ARHGAP17: variants seen among roughly 807,000 people sequenced by gnomAD.
The protein encoded by ARHGAP17 is rho GTPase-activating protein 17.
In ARHGAP17, 57 loss-of-function variants were observed where a neutral mutation model predicts 99.5. That is an observed-to-expected ratio of 0.57 (90% confidence interval 0.46 to 0.71). The LOEUF is 0.71. Among genes scored for constraint, ARHGAP17 ranks in the 30% least tolerant of loss-of-function variants. ARHGAP17 has a pLI of 0.00. For missense variants in ARHGAP17, 1,000 were observed against 1,122.4 expected, an observed-to-expected ratio of 0.89 and a Z score of 1.56; for synonymous variants, 417 against 429.6, an observed-to-expected ratio of 0.97 and a Z score of 0.36.
chr16:24,991,911 T>C (rs147623143), intron 1 of ARHGAP17, among the ~76,000 whole-genome samples: 30 of 152,320 alleles, frequency 2.0e-4, no homozygotes, highest in African/African-American at 7.2e-4. Flanking sequence ...GTCCCCACCC[T>C]TGAGGAGCTC....
At position 24,930,815 on chromosome 16, in the gene ARHGAP17, G is replaced by T. The variant is rs748508413; in HGVS notation, c.2484C>A (p.Asn828Lys). Residue 828 changes from asparagine (N) to lysine (K), a missense_variant, in exon 19 of 20, where the codon AAC (asparagine) becomes AAA (lysine). By Grantham distance (94) the Asn-to-Lys change is moderately conservative. Around this residue, in one of 2 missense-constraint regions of ARHGAP17, gnomAD observed 528 missense variants for 511.4 expected, o/e 1.03. Coordinates refer to ENST00000289968, the MANE Select transcript of ARHGAP17 (RefSeq NM_001006634.3). ...CTATCTTGGAAGCTGTTGGTGCTGT[G>T]TTGGTGAGGCTGCTGTCCCCAGCTG... ...VHSAGDSSLT[N>K]TAPTASKIVT... 6.2e-7 allele frequency: 1 copy of T among 1,614,140 alleles called. No individual in the cohort carries two copies. Among genetic ancestry groups the T allele is most frequent in the Non-Finnish European group, 8.5e-7 (1 of 1,180,028 alleles).
At chr16:24,982,996 A>ATTTTTTTTT (rs1193522045) in intron 1 of ARHGAP17, among the ~76,000 whole-genome samples, 2 of 46,976 alleles carry the variant, frequency 4.3e-5, no homozygotes, top group African/African-American at 1.7e-4. Context: ...ATATATATAT[A>ATTTTTTTTT]TTTTTTTTTT....
intron 1 of ARHGAP17, among the ~76,000 whole-genome samples, chr16:25,014,635 G>T (rs1481216539): frequency 1.3e-5 from 2 of 152,224 alleles, no homozygotes; most frequent in Admixed American, 6.5e-5. Flanking sequence ...TTTTGAGACA[G>T]CACCACCTCC....
chr16:24,941,541 T>C (rs1239655886), intron 16 of ARHGAP17, among the ~76,000 whole-genome samples: 2 of 152,234 alleles, frequency 1.3e-5, no homozygotes. Flanking sequence ...TGGCTTCCAT[T>C]GTGGGGCCAC....
chr16:24,940,297 T>C (rs908888392), intron 16 of ARHGAP17, among the ~76,000 whole-genome samples: 2 of 152,146 alleles, frequency 1.3e-5, no homozygotes, highest in Non-Finnish European at 2.9e-5. Flanking sequence ...CCAGAAGGCC[T>C]ACCAATGGCA....
At chr16:24,961,769 A>T (rs1300042433) in intron 7 of ARHGAP17, among the ~76,000 whole-genome samples, 1 of 150,946 alleles carries the variant, frequency 6.6e-6, no homozygotes, top group African/African-American at 2.4e-5. Flanking sequence ...CCTGACCTCA[A>T]GTGATCCTCC....
chr16:24,975,942 C>T (rs568734782), intron 3 of ARHGAP17, among the ~76,000 whole-genome samples: 1 of 152,236 alleles, frequency 6.6e-6, no homozygotes, highest in African/African-American at 2.4e-5. Context: ...GAGTCCATCC[C>T]TCTTCCTCTC....
In ARHGAP17 at chr16:24,919,718, G is replaced by T. The variant is rs1055098849; in HGVS notation, c.*412C>A. The T allele has an allele frequency of 6.4e-6, 1 of 155,104 alleles. No homozygotes were observed. The highest frequency in any genetic ancestry group is 2.4e-5 in the African/African-American group (1 of 41,492). The allele number at this position is 155,104 out of a possible 1,614,324, so 9.6% of individuals were successfully genotyped here. A position where few individuals can be genotyped will look rare whatever the true frequency, so the allele number is the denominator to read the frequency against. ...TGAACGTCCAGGTAGCAGAGAGTAG[G>T]CGACTTGCATAATGAGCGCATTTTA... On this transcript the variant is annotated 3_prime_UTR_variant, in exon 20 of 20. Coordinates refer to ENST00000289968, the MANE Select transcript of ARHGAP17 (RefSeq NM_001006634.3).
chr16:25,003,879 A>G (rs2053438931), intron 1 of ARHGAP17, among the ~76,000 whole-genome samples: 2 of 152,152 alleles, frequency 1.3e-5, no homozygotes, highest in African/African-American at 4.8e-5. Context: ...TGGAAATGCA[A>G]CCAGGGGCTG....
intron 14 of ARHGAP17, 46 bp downstream of exon 14, chr16:24,947,436 A>C (rs1010345877): frequency 1.4e-6 from 2 of 1,447,726 alleles, no homozygotes; most frequent in African/African-American, 1.4e-5. Context: ...GCATCCCATC[A>C]GGTGGGAAAG....
intron 1 of ARHGAP17, among the ~76,000 whole-genome samples, chr16:24,994,442 G>A (rs988691708): frequency 3.9e-5 from 6 of 151,992 alleles, no homozygotes; most frequent in Admixed American, 3.3e-4. Context: ...AAATATTTTC[G>A]GGTTCCCTTC....
At chr16:25,002,534 C>G (rs981578814) in intron 1 of ARHGAP17, among the ~76,000 whole-genome samples, 1 of 152,192 alleles carries the variant, frequency 6.6e-6, no homozygotes, top group Non-Finnish European at 1.5e-5. Flanking sequence ...CAGTAGCCCT[C>G]AAACCATCAT....
In ARHGAP17 at chr16:24,959,549, C is replaced by T. The variant is rs1325378041; in HGVS notation, c.724+122G>A. ...GATGAAATTATGCTGGGAAACAGTACCCTCCTAGGCAGAGAAGCTTTATCC... is the reference window on the plus strand; with the variant it reads ...GATGAAATTATGCTGGGAAACAGTATCCTCCTAGGCAGAGAAGCTTTATCC... On this transcript the variant is annotated intron_variant, in intron 9 of 19. Transcript: ENST00000289968. 7 of 872,366 alleles carry T rather than the reference C, an allele frequency of 8.0e-6. No homozygotes were observed. The East Asian group carries it at 1.1e-4, about 13-fold the overall frequency. The allele number at this position is 872,366 out of a possible 1,614,324, so 54.0% of individuals were successfully genotyped here. A position where few individuals can be genotyped will look rare whatever the true frequency, so the allele number is the denominator to read the frequency against.
intron 16 of ARHGAP17, among the ~76,000 whole-genome samples, chr16:24,940,511 C>T (rs1211605806): frequency 1.3e-5 from 2 of 152,078 alleles, no homozygotes; most frequent in East Asian, 1.9e-4. Context: ...TGGGAAACAT[C>T]GTGAGGCCCT....
chr16:24,927,875 T>C, intron 19 of ARHGAP17: 1 of 280,420 alleles, frequency 3.6e-6, no homozygotes, highest in Admixed American at 4.2e-5. Flanking sequence ...AGACTCAAAA[T>C]GATGCCAGAA....
At chr16:25,014,293 G>A (rs1384216669) in intron 1 of ARHGAP17, among the ~76,000 whole-genome samples, 1 of 152,192 alleles carries the variant, frequency 6.6e-6, no homozygotes, top group Non-Finnish European at 1.5e-5. Flanking sequence ...AATCGGTACA[G>A]TACAGCCAGC....
intron 19 of ARHGAP17, among the ~76,000 whole-genome samples, chr16:24,927,243 T>C (rs980388874): frequency 6.6e-6 from 1 of 152,184 alleles, no homozygotes. Flanking sequence ...TATTAAGAAC[T>C]GTAACTGGCT....
chr16:25,010,071 CTCTTTTTTT>C (rs1409890332), intron 1 of ARHGAP17, among the ~76,000 whole-genome samples: 2 of 151,012 alleles, frequency 1.3e-5, no homozygotes, highest in Non-Finnish European at 3.0e-5. Flanking sequence ...AGGTTTCTTC[CTCTTTTTTT>C]TCTTTTTTTT....
At chr16:24,971,856 GC>G (rs1180949708) in intron 3 of ARHGAP17, among the ~76,000 whole-genome samples, 1 of 152,182 alleles carries the variant, frequency 6.6e-6, no homozygotes. Flanking sequence ...GCCTGGCCAG[GC>G]ATCCCAGGGA....
Sources: allele counts gnomAD v4.1 joint callset (sites outside exome capture counted in the v4.1 genomes callset), GRCh38; gene constraint gnomAD v4.1.1; regional missense constraint gnomAD v4.1.1; transcripts MANE v1.5; gene names NCBI Gene and HGNC (gene_info 2026-07-23, HGNC 2026-07-21).